Variants in SYN3 observed in about 807,000 individuals in gnomAD.
SYN3 encodes the protein synapsin-3.
SYN3 carries 35 observed loss-of-function variants against 65.8 expected under a neutral mutation model. The ratio of observed to expected loss-of-function variants is 0.53; its 90% confidence interval spans 0.41 to 0.70. The LOEUF (loss-of-function observed/expected upper bound fraction) is 0.70, where lower values mean the gene tolerates loss of function less well. Among genes scored for constraint, SYN3 ranks in the 30% least tolerant of loss-of-function variants. SYN3 has a pLI of 0.00. For synonymous variants in SYN3, 270 were observed against 292.9 expected (o/e 0.92, Z 0.80); for missense variants, 680 against 749.0 (o/e 0.91, Z 1.08).
rs541295303 is a variant in SYN3 at position 32,809,762 on chromosome 22, C to T, written c.711+55153G>A. Reference sequence around the variant, plus strand: ...TTTTCATAAGCCTGGGAAGTTTTCTCATGGGTTCCTGGGTGATTGCATTGT... The same window carrying T: ...TTTTCATAAGCCTGGGAAGTTTTCTTATGGGTTCCTGGGTGATTGCATTGT... On this transcript the variant is annotated intron_variant, in intron 6 of 13. Coordinates refer to ENST00000358763, the MANE Select transcript of SYN3 (RefSeq NM_003490.4). Among the ~76,000 whole-genome samples, 5 of 152,338 alleles carry T rather than the reference C, an allele frequency of 3.3e-5. No homozygotes were observed. In the East Asian group the frequency reaches 5.8e-4, roughly 18 times the overall value.
At chr22:32,602,485 C>A (rs1399320369) in intron 6 of SYN3, among the ~76,000 whole-genome samples, 2 of 152,064 alleles carry the variant, frequency 1.3e-5, no homozygotes, top group Non-Finnish European at 2.9e-5. Context: ...TTTTTGGAGA[C>A]AGAGTCTTGC....
intron 4 of SYN3, among the ~76,000 whole-genome samples, chr22:32,927,529 C>T (rs1251527400): frequency 1.3e-5 from 2 of 152,170 alleles, no homozygotes; most frequent in Middle Eastern, 3.4e-3. Flanking sequence ...GATTTACAGG[C>T]GTGAGCCACC....
rs2053216623 is a variant in SYN3, at chr22:33,007,010, T to C, written c.-162-186A>G. On this transcript the variant is annotated intron_variant, in intron 1 of 13. Transcript: ENST00000358763. ...CTACAATTTCCATTTTCTGGAATTA[T>C]ATCGCAAAGAAAGATTCTAAGTTAC... Among the ~76,000 whole-genome samples the C allele has an allele frequency of 3.9e-5, 6 of 152,238 alleles. No individual in the cohort carries two copies. The South Asian group carries it at 1.2e-3, about 31-fold the overall frequency.
At chr22:33,046,573 G>C (rs752411306) in intron 1 of SYN3, among the ~76,000 whole-genome samples, 1 of 151,082 alleles carries the variant, frequency 6.6e-6, no homozygotes, top group African/African-American at 2.4e-5. Context: ...CAAAAAATTA[G>C]CTGGGCGAGG....
intron 6 of SYN3, among the ~76,000 whole-genome samples, chr22:32,725,078 T>C (rs777157890): frequency 5.5e-4 from 83 of 152,058 alleles, no homozygotes; most frequent in Non-Finnish European, 9.6e-4. Context: ...GATCGCGCCA[T>C]TGCACTCCAG....
intron 6 of SYN3, among the ~76,000 whole-genome samples, chr22:32,788,418 G>A (rs920995901): frequency 3.3e-5 from 5 of 152,074 alleles, no homozygotes; most frequent in Admixed American, 6.6e-5. Context: ...GTGTACCCCT[G>A]TAATCCTAGC....
At chr22:32,857,102 A>G (rs2048390817) in intron 6 of SYN3, 3 of 712,736 alleles carry the variant, frequency 4.2e-6, no homozygotes, top group Admixed American at 4.0e-5. Flanking sequence ...GCTATTGTGA[A>G]TATTGCTGCA....
In SYN3 at chr22:32,634,935, CT is replaced by C. The variant is rs10683651; in HGVS notation, c.712-38200del. Among the ~76,000 whole-genome samples, 421 of 146,900 alleles carry C rather than the reference CT, an allele frequency of 2.9e-3. 1 individual carries two copies. The highest frequency in any genetic ancestry group is 3.6e-3 in the African/African-American group (145 of 40,546). ...AAACATTATGAGATTTTTTTTGCAA[CT>C]TTTTTTTTTTTAGCTCATCAGCTAT... On this transcript the variant is annotated intron_variant, in intron 6 of 13. Transcript: ENST00000358763.
At chr22:33,049,897 C>T (rs976126926) in intron 1 of SYN3, among the ~76,000 whole-genome samples, 1 of 151,582 alleles carries the variant, frequency 6.6e-6, no homozygotes, top group African/African-American at 2.4e-5. Context: ...GTGTCTCAGA[C>T]ACCAGCCACA....
chr22:33,051,400 G>A (rs1178546371), intron 1 of SYN3, among the ~76,000 whole-genome samples: 1 of 152,172 alleles, frequency 6.6e-6, no homozygotes, highest in Admixed American at 6.5e-5. Context: ...GAAGGTCAGT[G>A]GTTCTTGCTA....
chr22:32,896,472 T>C (rs1453925195), intron 4 of SYN3, among the ~76,000 whole-genome samples: 2 of 152,014 alleles, frequency 1.3e-5, no homozygotes, highest in Non-Finnish European at 2.9e-5. Context: ...TAAAAATAAA[T>C]AAGGTAAACT....
intron 4 of SYN3, among the ~76,000 whole-genome samples, chr22:32,921,790 A>G (rs1030069730): frequency 1.3e-5 from 2 of 152,106 alleles, no homozygotes; most frequent in Non-Finnish European, 2.9e-5. Flanking sequence ...AACTCATGTA[A>G]TCCTCACTGC....
At chr22:32,867,374 T>C (rs2048713572) in intron 5 of SYN3, among the ~76,000 whole-genome samples, 1 of 152,240 alleles carries the variant, frequency 6.6e-6, no homozygotes, top group African/African-American at 2.4e-5. Context: ...TTTGGTCTGA[T>C]TTGTTCACTG....
chr22:32,812,441 C>A (rs540068280), intron 6 of SYN3, among the ~76,000 whole-genome samples: 1 of 152,186 alleles, frequency 6.6e-6, no homozygotes, highest in African/African-American at 2.4e-5. Context: ...AGCAACCTTG[C>A]AGACTTAGTC....
chr22:32,849,582 C>T (rs1472386711), intron 6 of SYN3: 1 of 1,551,634 alleles, frequency 6.4e-7, no homozygotes, highest in East Asian at 2.3e-5. Flanking sequence ...TGGGTTTTTG[C>T]CAGAAGAGTC....
intron 6 of SYN3, among the ~76,000 whole-genome samples, chr22:32,648,708 C>G (rs938777135): frequency 2.0e-5 from 3 of 152,230 alleles, no homozygotes; most frequent in African/African-American, 7.2e-5. Flanking sequence ...TGGGAACGTA[C>G]TACCTCTTGA....
In SYN3 at chr22:32,513,375, G is replaced by T. The variant is rs1408285686; in HGVS notation, c.*317C>A. 3.9e-6 allele frequency: 1 copy of T among 255,572 alleles called. No individual in the cohort carries two copies. The highest frequency in any genetic ancestry group is 4.9e-5 in the Admixed American group (1 of 20,432). 15.8% of individuals were successfully genotyped at this position (255,572 alleles called of 1,614,324 possible). On this transcript the variant is annotated 3_prime_UTR_variant, in exon 14 of 14. Transcript: ENST00000358763. Reference sequence around the variant, plus strand: ...GTAAGAATGTGAAAACTAGCCACTCGCAGACATCTCACTTGGTTATCTGGC... The same window carrying T: ...GTAAGAATGTGAAAACTAGCCACTCTCAGACATCTCACTTGGTTATCTGGC...
chr22:32,847,042 G>A (rs146333675), intron 6 of SYN3, among the ~76,000 whole-genome samples: 89 of 152,278 alleles, frequency 5.8e-4, no homozygotes, highest in African/African-American at 2.0e-3. Flanking sequence ...GAACCAGGAT[G>A]TTGCTATTTA....
chr22:32,732,146 A>G (rs531775247), intron 6 of SYN3, among the ~76,000 whole-genome samples: 35 of 152,244 alleles, frequency 2.3e-4, no homozygotes, highest in Middle Eastern at 3.4e-3. Context: ...CTAATGGTGA[A>G]CCTCTGTTTG....
Sources: gnomAD v4.1 joint callset for allele counts (sites outside exome capture counted in the v4.1 genomes callset) on GRCh38, gnomAD v4.1.1 for gene constraint, MANE v1.5 for transcripts, NCBI Gene and HGNC (gene_info 2026-07-23, HGNC 2026-07-21) for gene names.